The following DCP2 variants were observed in gnomAD, a reference collection of about 807,000 sequenced individuals.
DCP2 encodes the protein m7GpppN-mRNA hydrolase.
In DCP2, 30 loss-of-function variants were observed where a neutral mutation model predicts 56.1. The ratio of observed to expected loss-of-function variants is 0.53; its 90% CI spans 0.40 to 0.73. The LOEUF is 0.73. Ranked by LOEUF, DCP2 falls within the 30% of genes least tolerant of loss-of-function variation. DCP2 has a pLI of 0.00. For synonymous variants in DCP2, 197 were observed against 163.3 expected (o/e 1.21, Z -1.57); for missense variants, 533 against 502.7 (o/e 1.06, Z -0.58).
chr5:113,011,871 C>T (rs942205878), intron 10 of DCP2, among the ~76,000 whole-genome samples: 2 of 152,116 alleles, frequency 1.3e-5, no homozygotes, highest in Non-Finnish European at 2.9e-5. Context: ...TCATCCATTT[C>T]AAGTTCATTT....
chr5:112,989,750 G>A (rs1179138796), intron 2 of DCP2, among the ~76,000 whole-genome samples: 2 of 152,102 alleles, frequency 1.3e-5, no homozygotes, highest in African/African-American at 4.8e-5. Flanking sequence ...TCCGTATAGG[G>A]GTATTTTTCA....
At chr5:113,009,651 A>G (rs1179400829) in intron 9 of DCP2, among the ~76,000 whole-genome samples, 1 of 145,674 alleles carries the variant, frequency 6.9e-6, no homozygotes, top group African/African-American at 2.5e-5. Context: ...CAAATATTGA[A>G]GAAGATATTA....
chr5:113,011,085 A>C (rs1749662785), intron 10 of DCP2, among the ~76,000 whole-genome samples: 1 of 152,218 alleles, frequency 6.6e-6, no homozygotes, highest in South Asian at 2.1e-4. Context: ...ATAATTGCAT[A>C]AGGATTTGGG....
chr5:112,988,227 A>T (rs1396304072), intron 2 of DCP2, among the ~76,000 whole-genome samples: 5 of 151,970 alleles, frequency 3.3e-5, no homozygotes, highest in African/African-American at 1.2e-4. Flanking sequence ...TCATGCCTGT[A>T]ATCCCAGCAC....
At chr5:113,008,908 A>G (rs1296739412) in intron 9 of DCP2, among the ~76,000 whole-genome samples, 4 of 151,652 alleles carry the variant, frequency 2.6e-5, no homozygotes, top group African/African-American at 2.4e-5. Flanking sequence ...CAGTGGCACG[A>G]TCTCGGCTCA....
intron 1 of DCP2, among the ~76,000 whole-genome samples, chr5:112,982,333 C>T (rs1277907004): frequency 2.0e-5 from 3 of 152,286 alleles, no homozygotes; most frequent in East Asian, 3.9e-4. Context: ...AGTCTGGACT[C>T]GTTGCTCCTC....
At chr5:113,009,048 T>A (rs1324507626) in intron 9 of DCP2, among the ~76,000 whole-genome samples, 2 of 152,148 alleles carry the variant, frequency 1.3e-5, no homozygotes, top group East Asian at 3.9e-4. Context: ...GGTTTCACCA[T>A]GTTGGCCAGG....
At position 113,013,921 on chromosome 5, in the gene DCP2, G is replaced by C. The variant is rs1049950919; in HGVS notation, c.*437G>C. The C allele has an allele frequency of 1.3e-5, 2 of 154,016 alleles. No individual in the cohort carries two copies. The highest frequency in any genetic ancestry group is 4.8e-5 in the African/African-American group (2 of 41,480). 9.5% of individuals were successfully genotyped at this position (154,016 alleles called of 1,614,324 possible). A position where few individuals can be genotyped will look rare whatever the true frequency, so the allele number is the denominator to read the frequency against. ...ATTATTAAATGAACACAAGAGCTGA[G>C]ATGTCACATTCGTCAGCATTACAGG... On this transcript the variant is annotated 3_prime_UTR_variant, in exon 11 of 11. Coordinates refer to ENST00000389063, the MANE Select transcript of DCP2 (RefSeq NM_152624.6).
chr5:113,007,852 AC>A, intron 8 of DCP2, 85 bp from the exon 9 acceptor site: 1 of 1,194,910 alleles, frequency 8.4e-7, no homozygotes, highest in African/African-American at 1.5e-5. Context: ...ACTTGGTTCA[AC>A]CAGCTAAACA....
At chr5:112,997,036 G>T (rs1748891212) in intron 4 of DCP2, among the ~76,000 whole-genome samples, 1 of 152,226 alleles carries the variant, frequency 6.6e-6, no homozygotes, top group Admixed American at 6.5e-5. Context: ...TCTTCTAAAG[G>T]TTAAAGCAGA....
chr5:113,004,140 C>A, intron 8 of DCP2, 63 bp downstream of exon 8: 1 of 1,561,424 alleles, frequency 6.4e-7, no homozygotes. Flanking sequence ...AAATTTTTCT[C>A]AATTGGAGAA....
At chr5:113,004,229 C>T in intron 8 of DCP2, 152 bp downstream of exon 8, 1 of 879,322 alleles carries the variant, frequency 1.1e-6, no homozygotes, top group Non-Finnish European at 1.7e-6. Flanking sequence ...TGAAGCAGGG[C>T]TGAGGCTTCT....
Position 113,007,958 on chromosome 5 carries a change from T to G in DCP2, c.963T>G (p.Asn321Lys), listed in dbSNP as rs1427475053. 2.5e-6 allele frequency: 4 copies of G among 1,613,754 alleles called. No homozygotes were observed. Among genetic ancestry groups the G allele is most frequent in the Non-Finnish European group, 3.4e-6 (4 of 1,179,812 alleles). The change falls in exon 9 of 11, where the codon AAT becomes AAG. Residue 321 changes from asparagine (N) to lysine (K), a missense_variant. Coordinates refer to ENST00000389063, the MANE Select transcript of DCP2 (RefSeq NM_152624.6). ...AACAGAATCAAAGTATGAGGGGAAA[T>G]GGCAGAAAACAGTATCAAGATTCAC... ...LKGKNQSMRG[N>K]GRKQYQDSPN...
chr5:112,979,936 G>A (rs891561152), intron 1 of DCP2, among the ~76,000 whole-genome samples: 13 of 152,142 alleles, frequency 8.5e-5, no homozygotes, highest in Admixed American at 3.3e-4. Context: ...TTCGTATGCC[G>A]AAAGAATATG....
chr5:113,018,755 C>T lies in DCP2; in HGVS notation c.*5271C>T, dbSNP rs891134575. 5 of 152,134 alleles carry T rather than the reference C, an allele frequency of 3.3e-5. No individual in the cohort carries two copies. The highest frequency in any genetic ancestry group is 7.3e-5 in the Non-Finnish European group (5 of 68,028). The allele number at this position is 152,134 out of a possible 1,614,324, so 9.4% of individuals were successfully genotyped here. A position where few individuals can be genotyped will look rare whatever the true frequency, so the allele number is the denominator to read the frequency against. On this transcript the variant is annotated 3_prime_UTR_variant, in exon 11 of 11. Transcript: ENST00000389063. ...TGGTGTGACTGGCCAGGAAAAAGTC[C>T]ATTGAGTCCTTTTTTTCTCCCTGGT...
chr5:113,005,734 C>G (rs547478111), intron 8 of DCP2, among the ~76,000 whole-genome samples: 1 of 152,236 alleles, frequency 6.6e-6, no homozygotes, highest in Admixed American at 6.5e-5. Context: ...TCACAATAGC[C>G]AAAAGGTGGA....
chr5:112,984,433 C>G (rs1230657607), intron 1 of DCP2: 3 of 151,932 alleles, frequency 2.0e-5, no homozygotes, highest in Non-Finnish European at 4.4e-5. Context: ...GAGAGATAAC[C>G]ATACCCAACT....
At chr5:112,981,365 C>G (rs1041805778) in intron 1 of DCP2, among the ~76,000 whole-genome samples, 3 of 152,042 alleles carry the variant, frequency 2.0e-5, no homozygotes, top group African/African-American at 7.2e-5. Flanking sequence ...TACAGTATTT[C>G]TTGAGTCTCT....
intron 8 of DCP2, among the ~76,000 whole-genome samples, chr5:113,007,206 A>C (rs189523192): frequency 1.7e-4 from 26 of 152,308 alleles, no homozygotes; most frequent in South Asian, 4.1e-4. Context: ...ACTGCTTATT[A>C]ATAATTTAAA....
Sources: allele counts gnomAD v4.1 joint callset (sites outside exome capture counted in the v4.1 genomes callset), GRCh38; gene constraint gnomAD v4.1.1; transcripts MANE v1.5; gene names NCBI Gene and HGNC (gene_info 2026-07-23, HGNC 2026-07-21).